Variants in RBFOX1 observed in about 807,000 individuals in gnomAD.
RBFOX1 encodes RNA binding fox-1 homolog 1.
RBFOX1 carries 8 observed loss-of-function variants against 57.7 expected under a neutral mutation model. The ratio of observed to expected loss-of-function variants is 0.14; its 90% confidence interval spans 0.08 to 0.25. The LOEUF (loss-of-function observed/expected upper bound fraction) is 0.25, where lower values mean the gene tolerates loss of function less well. Among genes scored for constraint, RBFOX1 ranks in the 10% least tolerant of loss-of-function variants. The pLI is 1.00. For synonymous variants in RBFOX1, 326 were observed against 222.4 expected, an observed-to-expected ratio of 1.47 and a Z score of -4.15; for missense variants, 611 against 548.5, an observed-to-expected ratio of 1.11 and a Z score of -1.14.
chr16:6,690,922 G>A (rs142636818), intron 3 of RBFOX1, among the ~76,000 whole-genome samples: 11 of 151,894 alleles, frequency 7.2e-5, no homozygotes, highest in South Asian at 2.1e-4. Context: ...TTTCACCTCC[G>A]GCTAAATCTG....
chr16:5,599,008 T>A lies in RBFOX1; in HGVS notation c.365T>A (p.Phe122Tyr), dbSNP rs997406065. Residue 122 changes from phenylalanine to tyrosine, a missense_variant, in exon 3 of 3, where the codon TTT becomes TAT. Physicochemically the swap from Phe to Tyr is conservative, Grantham distance 22. Coordinates refer to the RBFOX1 transcript ENST00000585867. The stretch of plus-strand genomic sequence containing the variant: ...AACAGATTAGATTTTGAAACTACTT[T>A]TGCATCCTTTTCAGCCTCTTTGGTC... 2.1e-6 allele frequency: 3 copies of A among 1,441,020 alleles called. No homozygotes were observed. The African/African-American group carries it at 4.2e-5, about 20-fold the overall frequency. The allele number at this position is 1,441,020 out of a possible 1,614,324, so 89.3% of individuals were successfully genotyped here.
intron 2 of RBFOX1, among the ~76,000 whole-genome samples, chr16:5,470,830 C>T (rs1345181453): frequency 6.6e-6 from 1 of 152,064 alleles, no homozygotes; most frequent in East Asian, 1.9e-4. Flanking sequence ...CAGCATTTTT[C>T]ATACCAGTGC....
intron 3 of RBFOX1, among the ~76,000 whole-genome samples, chr16:6,969,886 G>C (rs984712409): frequency 6.6e-6 from 1 of 152,160 alleles, no homozygotes; most frequent in African/African-American, 2.4e-5. Context: ...GGTATGCAAT[G>C]TTGTGTCACT....
At chr16:7,152,151 C>G (rs1367523511) in intron 4 of RBFOX1, among the ~76,000 whole-genome samples, 1 of 152,144 alleles carries the variant, frequency 6.6e-6, no homozygotes, top group African/African-American at 2.4e-5. Flanking sequence ...CTGTTTGGAT[C>G]ACATCCTCAC....
intron 4 of RBFOX1, among the ~76,000 whole-genome samples, chr16:5,893,754 C>G (rs1394277445): frequency 6.6e-6 from 1 of 151,026 alleles, no homozygotes; most frequent in Non-Finnish European, 1.5e-5. Context: ...TGCAGTGAGC[C>G]AAGATTGCGC....
intron 4 of RBFOX1, among the ~76,000 whole-genome samples, chr16:7,416,731 T>G (rs1177755590): frequency 6.6e-6 from 1 of 150,870 alleles, no homozygotes; most frequent in Non-Finnish European, 1.5e-5. Context: ...TAGGGATGTT[T>G]TTTTTTCTTT....
Position 6,097,082 on chromosome 16 carries a change from GGTGA to G in RBFOX1, c.-127+77093_-127+77096del, listed in dbSNP as rs1326583386. On this transcript the variant is annotated intron_variant, in intron 1 of 15. Coordinates refer to ENST00000550418, the MANE Select transcript of RBFOX1 (RefSeq NM_018723.4). This position sits in a 1 kb window ranked among gnomAD's most constrained non-coding sequence, Gnocchi z 5.0. ...GTTTCCCCCATACTGTTGTCATGGT[GGTGA>G]GTAAGTCTTACTAGATCTGATGGTT... Among the ~76,000 whole-genome samples the G allele has an allele frequency of 9.9e-5, 15 of 152,076 alleles. No homozygotes were observed. The highest frequency in any genetic ancestry group is 1.4e-4 in the African/African-American group (6 of 41,410).
At position 6,623,242 on chromosome 16, in the gene RBFOX1, G is replaced by A. The variant is rs529957837; in HGVS notation, c.-63-31361G>A. ...ATTTGAGATTATCTGGGAGGGGGCT[G>A]CTTTTGTGCACAAGACAGAGCTAAC... On this transcript the variant is annotated intron_variant, in intron 2 of 15. Transcript: ENST00000550418. Among the ~76,000 whole-genome samples the A allele has an allele frequency of 2.0e-5, 3 of 152,250 alleles. 1 individual carries two copies. The South Asian group carries it at 6.2e-4, about 32-fold the overall frequency.
intron 1 of RBFOX1, among the ~76,000 whole-genome samples, chr16:5,288,236 A>G (rs986688940): frequency 6.6e-6 from 1 of 152,112 alleles, no homozygotes; most frequent in African/African-American, 2.4e-5. Context: ...GAATTGTTGA[A>G]TATATATATA....
intron 3 of RBFOX1, among the ~76,000 whole-genome samples, chr16:7,034,170 G>T (rs747681238): frequency 1.3e-5 from 2 of 152,108 alleles, no homozygotes; most frequent in African/African-American, 4.8e-5. Context: ...GATTCAAATA[G>T]CCTGGGTTTG....
At chr16:5,649,093 A>G (rs1415196959) in intron 3 of RBFOX1, among the ~76,000 whole-genome samples, 3 of 152,012 alleles carry the variant, frequency 2.0e-5, no homozygotes, top group Admixed American at 2.0e-4. Context: ...ATGTTTAAAG[A>G]TACATAAAAG....
chr16:7,135,630 C>A (rs567815595), intron 4 of RBFOX1, among the ~76,000 whole-genome samples: 1 of 152,158 alleles, frequency 6.6e-6, no homozygotes, highest in Non-Finnish European at 1.5e-5. Flanking sequence ...ATTTAATTGC[C>A]GCTGTTCGCG....
intron 3 of RBFOX1, among the ~76,000 whole-genome samples, chr16:6,711,067 A>G (rs2063627139): frequency 6.6e-6 from 1 of 152,204 alleles, no homozygotes; most frequent in Non-Finnish European, 1.5e-5. Flanking sequence ...GCTTAGGCCA[A>G]AACTCTGGAG....
intron 4 of RBFOX1, among the ~76,000 whole-genome samples, chr16:7,468,741 G>T (rs1558340): frequency 3.3e-5 from 5 of 151,882 alleles, no homozygotes; most frequent in African/African-American, 1.2e-4. Flanking sequence ...CAGCCTCTGA[G>T]CAGGGATTTA....
At chr16:7,003,287 C>A (rs769247973) in intron 3 of RBFOX1, among the ~76,000 whole-genome samples, 2 of 151,762 alleles carry the variant, frequency 1.3e-5, no homozygotes, top group Non-Finnish European at 2.9e-5. Flanking sequence ...GGTGAAACCC[C>A]CGTCTCTACT....
At chr16:7,034,875 G>A (rs2043922598) in intron 3 of RBFOX1, among the ~76,000 whole-genome samples, 2 of 15,390 alleles carry the variant, frequency 1.3e-4, no homozygotes, top group African/African-American at 9.8e-4. Context: ...TTGAGATGGA[G>A]TCCTGCTCTG....
intron 3 of RBFOX1, among the ~76,000 whole-genome samples, chr16:6,774,903 C>T (rs944812697): frequency 6.6e-6 from 1 of 151,980 alleles, no homozygotes; most frequent in African/African-American, 2.4e-5. Context: ...ATAAACTTAA[C>T]CCCATTGAGT....
At chr16:6,351,228 G>A (rs557782979) in intron 2 of RBFOX1, among the ~76,000 whole-genome samples, 12 of 150,620 alleles carry the variant, frequency 8.0e-5, no homozygotes, top group Middle Eastern at 3.5e-3. Flanking sequence ...ATACAACTGT[G>A]TAATTATATA....
chr16:5,458,522 G>A (rs1054804011), intron 1 of RBFOX1, among the ~76,000 whole-genome samples: 3 of 152,182 alleles, frequency 2.0e-5, no homozygotes, highest in Admixed American at 6.5e-5. Context: ...AATGAATCAG[G>A]TACAGTTATT....
Sources: allele counts gnomAD v4.1 joint callset (sites outside exome capture counted in the v4.1 genomes callset), GRCh38; gene constraint gnomAD v4.1.1; non-coding constraint Gnocchi (gnomAD v3.1); transcripts MANE v1.5; gene names NCBI Gene and HGNC (gene_info 2026-07-23, HGNC 2026-07-21).